ESR1: variants seen among roughly 807,000 people sequenced by gnomAD.
ESR1 encodes estrogen receptor 1, also known as estrogen receptor.
In ESR1, 12 loss-of-function variants were observed where a neutral mutation model predicts 52.7. That is an observed-to-expected ratio of 0.23 (90% CI 0.15 to 0.37). The LOEUF (loss-of-function observed/expected upper bound fraction) is 0.37, where lower values mean the gene tolerates loss of function less well. ESR1 is among the 10% of genes least tolerant of loss of function. The pLI, the probability that ESR1 is intolerant of heterozygous loss-of-function variation, is 1.00. For synonymous variants in ESR1, 305 were observed against 316.8 expected (o/e 0.96, Z 0.39); for missense variants, 584 against 779.7 (o/e 0.75, Z 2.99).
At chr6:152,032,656 C>G (rs1373876619) in intron 5 of ESR1, among the ~76,000 whole-genome samples, 3 of 152,018 alleles carry the variant, frequency 2.0e-5, no homozygotes, top group Admixed American at 2.0e-4. Flanking sequence ...CAAACAAATG[C>G]AAGAACATTC....
intron 3 of ESR1, among the ~76,000 whole-genome samples, chr6:151,914,571 G>C (rs1024247336): frequency 6.6e-6 from 1 of 152,120 alleles, no homozygotes; most frequent in Non-Finnish European, 1.5e-5. Flanking sequence ...CATTTTATTA[G>C]ATATTTAACA....
chr6:151,779,553 T>C (rs967536734), intron 2 of ESR1, among the ~76,000 whole-genome samples: 4 of 152,050 alleles, frequency 2.6e-5, no homozygotes, highest in Non-Finnish European at 5.9e-5. Flanking sequence ...TGCAGAGAAA[T>C]AGGAACACAT....
At chr6:152,083,848 G>C (rs368545103) in intron 6 of ESR1, among the ~76,000 whole-genome samples, 2 of 152,168 alleles carry the variant, frequency 1.3e-5, no homozygotes, top group Non-Finnish European at 1.5e-5. Flanking sequence ...TTCAACCATT[G>C]TGGAAGACAG....
Position 152,094,320 on chromosome 6 carries a change from C to T in ESR1, c.1370-65C>T. 2 of 1,416,040 alleles carry T rather than the reference C, an allele frequency of 1.4e-6. No individual in the cohort carries two copies. Among genetic ancestry groups the T allele is most frequent in the East Asian group, 2.3e-5 (1 of 43,976 alleles). 87.7% of individuals were successfully genotyped at this position (1,416,040 alleles called of 1,614,324 possible). On this transcript the variant is annotated intron_variant, in intron 6 of 7. Coordinates refer to ENST00000206249, the MANE Select transcript of ESR1 (RefSeq NM_000125.4). The surrounding 1 kb of genome is among the most constrained non-coding windows in gnomAD (Gnocchi z 4.6). ...GGCTCATTGTTACATCCCATGAACA[C>T]TCTGGGTCTCCTAGACCTCATCCTC...
At chr6:151,761,708 C>G (rs1348607034) in intron 2 of ESR1, among the ~76,000 whole-genome samples, 2 of 152,210 alleles carry the variant, frequency 1.3e-5, no homozygotes, top group African/African-American at 4.8e-5. Flanking sequence ...GCCAGCCCCA[C>G]CATGGATGGG....
At chr6:151,902,929 T>C (rs543051349) in intron 3 of ESR1, among the ~76,000 whole-genome samples, 2 of 152,194 alleles carry the variant, frequency 1.3e-5, no homozygotes, top group African/African-American at 4.8e-5. Context: ...GGATAATTAG[T>C]GATACATAAA....
chr6:152,020,204 T>C (rs553397060), intron 5 of ESR1, among the ~76,000 whole-genome samples: 204 of 152,286 alleles, frequency 1.3e-3, no homozygotes, highest in African/African-American at 4.6e-3. Flanking sequence ...ATGCAGAGTA[T>C]TTAGTATAAC....
chr6:151,980,588 T>C (rs1317632828), intron 4 of ESR1, among the ~76,000 whole-genome samples: 1 of 152,202 alleles, frequency 6.6e-6, no homozygotes, highest in African/African-American at 2.4e-5. Flanking sequence ...TCTTTTCTCT[T>C]TGGAGTAGCC....
intron 2 of ESR1, among the ~76,000 whole-genome samples, chr6:151,710,043 A>G (rs1173874013): frequency 6.6e-6 from 1 of 151,934 alleles, no homozygotes; most frequent in Admixed American, 6.6e-5. Flanking sequence ...TTATATAAAG[A>G]ACGAATTGTT....
chr6:151,807,618 C>T, upstream of ESR1: 1 of 544,530 alleles, frequency 1.8e-6, no homozygotes, highest in South Asian at 2.0e-5. Flanking sequence ...CGTCCTCCAG[C>T]ACCTTTGTAA....
intron 6 of ESR1, among the ~76,000 whole-genome samples, chr6:152,079,240 A>G (rs954864384): frequency 7.9e-5 from 12 of 152,202 alleles, no homozygotes; most frequent in Admixed American, 7.2e-4. Context: ...AGGGGCCGAC[A>G]GACACTTCAA....
At chr6:152,081,188 CATT>C (rs2049174353) in intron 6 of ESR1, among the ~76,000 whole-genome samples, 1 of 152,186 alleles carries the variant, frequency 6.6e-6, no homozygotes, top group Non-Finnish European at 1.5e-5. Context: ...CTCAGCACCA[CATT>C]GCACTTATTT....
intron 2 of ESR1, among the ~76,000 whole-genome samples, chr6:151,850,399 GAA>G (rs1786435068): frequency 6.7e-6 from 1 of 149,932 alleles, no homozygotes; most frequent in African/African-American, 2.5e-5. Flanking sequence ...GAGAGAGAGA[GAA>G]GAGAGAGAGG....
intron 5 of ESR1, among the ~76,000 whole-genome samples, chr6:152,042,541 G>A (rs1255640600): frequency 6.6e-6 from 1 of 152,190 alleles, no homozygotes; most frequent in Non-Finnish European, 1.5e-5. Context: ...AAGAGTCACT[G>A]CATAAATTGT....
At chr6:151,923,313 A>C (rs893412362) in intron 3 of ESR1, among the ~76,000 whole-genome samples, 2 of 152,078 alleles carry the variant, frequency 1.3e-5, no homozygotes, top group African/African-American at 2.4e-5. Context: ...TTAAGTTTGG[A>C]TACATTGTGG....
At chr6:152,024,051 C>T (rs1178866596) in intron 5 of ESR1, among the ~76,000 whole-genome samples, 1 of 152,076 alleles carries the variant, frequency 6.6e-6, no homozygotes. Context: ...TGGAATTTCT[C>T]TTCATATACA....
intron 5 of ESR1, among the ~76,000 whole-genome samples, chr6:152,018,014 A>G (rs2043292138): frequency 6.6e-6 from 1 of 152,178 alleles, no homozygotes; most frequent in African/African-American, 2.4e-5. Flanking sequence ...GCCTTTGGCC[A>G]GAGAGTTGTT....
chr6:152,123,365 C>T (rs1050447932), intron 6 of ESR1, among the ~76,000 whole-genome samples: 1 of 152,170 alleles, frequency 6.6e-6, no homozygotes, highest in African/African-American at 2.4e-5. Flanking sequence ...CTATCACTGA[C>T]GTCATTACTT....
At chr6:151,940,971 C>T (rs779976310) in intron 3 of ESR1, among the ~76,000 whole-genome samples, 4 of 152,170 alleles carry the variant, frequency 2.6e-5, no homozygotes, top group Admixed American at 1.3e-4. Context: ...AGTAGATTAG[C>T]GTTAGTATGA....
Sources: allele counts gnomAD v4.1 joint callset (sites outside exome capture counted in the v4.1 genomes callset), GRCh38; gene constraint gnomAD v4.1.1; non-coding constraint Gnocchi (gnomAD v3.1); transcripts MANE v1.5; gene names NCBI Gene and HGNC (gene_info 2026-07-23, HGNC 2026-07-21).